SNTG2: variants seen among roughly 807,000 people sequenced by gnomAD.
SNTG2 encodes the protein gamma-2-syntrophin.
In SNTG2, 74 loss-of-function variants were observed where a neutral mutation model predicts 70.9. The observed-to-expected ratio is 1.04, with a 90% CI of 0.86 to 1.27. The LOEUF is 1.27. Ranked by LOEUF, SNTG2 falls within the 50% of genes most tolerant of loss-of-function variation. The pLI is 0.00. For synonymous variants in SNTG2, 278 were observed against 273.8 expected, an observed-to-expected ratio of 1.02 and a Z score of -0.15; for missense variants, 717 against 690.7, an observed-to-expected ratio of 1.04 and a Z score of -0.43.
At chr2:1,304,385 A>G (rs1680585136) in intron 14 of SNTG2, among the ~76,000 whole-genome samples, 1 of 152,190 alleles carries the variant, frequency 6.6e-6, no homozygotes. Context: ...ATCTCACCTG[A>G]GTAGCACGGC....
At chr2:1,176,699 C>T (rs967414677) in intron 8 of SNTG2, among the ~76,000 whole-genome samples, 1 of 151,614 alleles carries the variant, frequency 6.6e-6, no homozygotes, top group Non-Finnish European at 1.5e-5. Flanking sequence ...AGATACTTCT[C>T]AAAAGAAGAC....
chr2:1,347,630 C>G lies in SNTG2; in HGVS notation c.1489-19713C>G, dbSNP rs570259317. On this transcript the variant is annotated intron_variant, in intron 16 of 16. Transcript: ENST00000308624. ...GTGTGAACCCGTATTTCACTCCTTT[C>G]TCTCCTTGGCCAAGGCCATGTGAGT... 7.2e-4 allele frequency among the ~76,000 whole-genome samples: 110 copies of G among 152,356 alleles called. No homozygotes were observed. The South Asian group carries it at 0.012, about 16-fold the overall frequency.
chr2:1,338,762 A>G (rs1659941446), intron 16 of SNTG2, among the ~76,000 whole-genome samples: 2 of 152,102 alleles, frequency 1.3e-5, no homozygotes, highest in African/African-American at 4.8e-5. Flanking sequence ...ATTTTATTCA[A>G]TATTTGTTGA....
chr2:1,188,720 T>C (rs559827378), intron 8 of SNTG2, among the ~76,000 whole-genome samples: 2 of 152,260 alleles, frequency 1.3e-5, no homozygotes, highest in African/African-American at 4.8e-5. Context: ...TAATCTACTG[T>C]CTCCTTTTGG....
chr2:1,132,007 A>T (rs1464595996), intron 4 of SNTG2, among the ~76,000 whole-genome samples: 1 of 152,096 alleles, frequency 6.6e-6, no homozygotes, highest in Non-Finnish European at 1.5e-5. Context: ...CATTACTTGC[A>T]CCTATATCCT....
At chr2:1,130,417 CATA>C (rs1234369595) in intron 4 of SNTG2, among the ~76,000 whole-genome samples, 6 of 152,092 alleles carry the variant, frequency 3.9e-5, no homozygotes, top group Non-Finnish European at 2.9e-5. Flanking sequence ...TGATATTTTA[CATA>C]ATAAAATCTT....
chr2:1,290,762 A>G (rs1381944131), intron 14 of SNTG2, among the ~76,000 whole-genome samples: 1 of 152,218 alleles, frequency 6.6e-6, no homozygotes, highest in Admixed American at 6.5e-5. Flanking sequence ...AATGCAATAC[A>G]TCAGATTCTG....
At chr2:1,148,719 T>C (rs67221808) in intron 6 of SNTG2, among the ~76,000 whole-genome samples, 149,673 of 152,230 alleles carry the variant, frequency 0.98, 73,628 homozygotes, top group Non-Finnish European at 1. Flanking sequence ...TGTGGAGGGG[T>C]TGCTCTCTTG....
chr2:1,298,159 G>A (rs988229194), intron 14 of SNTG2, among the ~76,000 whole-genome samples: 6 of 152,058 alleles, frequency 3.9e-5, no homozygotes, highest in African/African-American at 1.2e-4. Context: ...TTGAGACAGA[G>A]TCTACCTCTG....
In SNTG2 at chr2:1,009,728, G is replaced by A. The variant is rs544272028; in HGVS notation, c.72+58660G>A. Among the ~76,000 whole-genome samples, 7 of 125,508 alleles carry A rather than the reference G, an allele frequency of 5.6e-5. 1 individual carries two copies. Among genetic ancestry groups the A allele is most frequent in the African/African-American group, 2.2e-4 (7 of 31,932 alleles). The allele number at this position is 125,508 out of a possible 152,430, so 82.3% of individuals were successfully genotyped here. On this transcript the variant is annotated intron_variant, in intron 1 of 16. Coordinates refer to ENST00000308624, the MANE Select transcript of SNTG2 (RefSeq NM_018968.4). ...TGGCAGCCACACCTGTGCCACATCA[G>A]GAAGACATGCTGCTTCTGATACTGG...
intron 4 of SNTG2, among the ~76,000 whole-genome samples, chr2:1,135,887 C>T (rs1044390807): frequency 6.6e-6 from 1 of 152,140 alleles, no homozygotes; most frequent in African/African-American, 2.4e-5. Context: ...GGGTAAAATA[C>T]TTTGATAAGA....
intron 14 of SNTG2, among the ~76,000 whole-genome samples, chr2:1,284,572 G>A (rs1171428124): frequency 2.0e-5 from 3 of 152,088 alleles, no homozygotes; most frequent in Admixed American, 1.3e-4. Flanking sequence ...TGATGGAGAC[G>A]CCAAACCAAT....
At chr2:1,098,301 T>C (rs772058074) in intron 3 of SNTG2, 49 bp downstream of exon 3, 1 of 1,613,800 alleles carries the variant, frequency 6.2e-7, no homozygotes. Context: ...TGAAGAACTT[T>C]CCAGTGTGAA....
intron 4 of SNTG2, among the ~76,000 whole-genome samples, chr2:1,119,554 T>G (rs1211716113): frequency 2.0e-5 from 3 of 147,822 alleles, no homozygotes; most frequent in Admixed American, 6.7e-5. Context: ...AAAGGCTCGT[T>G]TTTTTTTTTT....
intron 1 of SNTG2, among the ~76,000 whole-genome samples, chr2:1,052,283 A>G (rs900826201): frequency 3.9e-5 from 6 of 152,182 alleles, no homozygotes; most frequent in Non-Finnish European, 7.3e-5. Context: ...ACTAAGTTCA[A>G]CTTTTAAGTT....
At chr2:1,203,900 G>A (rs189733384) in intron 8 of SNTG2, among the ~76,000 whole-genome samples, 7 of 152,094 alleles carry the variant, frequency 4.6e-5, no homozygotes, top group East Asian at 1.9e-4. Flanking sequence ...GCATAGCAAC[G>A]TTATTTATAA....
At chr2:968,182 T>A (rs1252535617) in intron 1 of SNTG2, among the ~76,000 whole-genome samples, 1 of 152,204 alleles carries the variant, frequency 6.6e-6, no homozygotes, top group Non-Finnish European at 1.5e-5. Flanking sequence ...TGATAAGGGC[T>A]TATTCACATT....
chr2:1,203,670 A>C (rs371839013), intron 8 of SNTG2, among the ~76,000 whole-genome samples: 47,014 of 133,562 alleles, frequency 0.35, 8,027 homozygotes, highest in East Asian at 0.66. Flanking sequence ...AAACAAAAAA[A>C]AAAATATATA....
intron 2 of SNTG2, among the ~76,000 whole-genome samples, chr2:1,093,634 A>C (rs1474871490): frequency 6.6e-6 from 1 of 152,270 alleles, no homozygotes; most frequent in Admixed American, 6.5e-5. Flanking sequence ...ACTTTGACAC[A>C]CTGAAGTCCT....
Sources: allele counts gnomAD v4.1 joint callset (sites outside exome capture counted in the v4.1 genomes callset), GRCh38; gene constraint gnomAD v4.1.1; transcripts MANE v1.5; gene names NCBI Gene and HGNC (gene_info 2026-07-23, HGNC 2026-07-21).